MCC: variants seen among roughly 807,000 people sequenced by gnomAD.
MCC encodes the protein MCC regulator of Wnt signaling pathway.
Under a neutral mutation model 116.2 loss-of-function variants are expected in MCC, and 90 were observed. That is an observed-to-expected ratio of 0.77 (90% CI 0.65 to 0.92). MCC has a LOEUF of 0.92. Among genes scored for constraint, MCC ranks in the 40% least tolerant of loss-of-function variants. The pLI is 0.00. For synonymous variants in MCC, 578 were observed against 510.5 expected, an observed-to-expected ratio of 1.13 and a Z score of -1.78; for missense variants, 1,516 against 1,312.2, an observed-to-expected ratio of 1.16 and a Z score of -2.40.
At chr5:113,241,068 A>G (rs1483241885) in intron 3 of MCC, among the ~76,000 whole-genome samples, 1 of 152,216 alleles carries the variant, frequency 6.6e-6, no homozygotes, top group Non-Finnish European at 1.5e-5. Flanking sequence ...TCAGTGTGTC[A>G]TTATAGGTCA....
At chr5:113,335,197 T>C (rs1046444960) in intron 3 of MCC, among the ~76,000 whole-genome samples, 1 of 151,644 alleles carries the variant, frequency 6.6e-6, no homozygotes, top group African/African-American at 2.4e-5. Context: ...GAAGGAGAAA[T>C]GAAAAGTTCC....
At chr5:113,102,303 G>A (rs1234861319) in intron 7 of MCC, among the ~76,000 whole-genome samples, 4 of 152,192 alleles carry the variant, frequency 2.6e-5, no homozygotes, top group Non-Finnish European at 5.9e-5. Flanking sequence ...CAGGCAGAAG[G>A]CCATTTAGTG....
chr5:113,084,533 G>GA lies in MCC; in HGVS notation c.1546-344dup, dbSNP rs1188337891. ...CATTGCCAAATGTCCCCTGGAGGAT[G>GA]AAATCACTTCTGGTTAGAAAACACT... On this transcript the variant is annotated intron_variant, in intron 9 of 18. Transcript: ENST00000408903. 2.2e-4 allele frequency among the ~76,000 whole-genome samples: 33 copies of GA among 152,252 alleles called. 1 individual carries two copies. The highest frequency in any genetic ancestry group is 1.1e-3 in the Admixed American group (17 of 15,292).
chr5:113,089,185 C>T (rs1433410609), intron 8 of MCC, among the ~76,000 whole-genome samples: 1 of 152,120 alleles, frequency 6.6e-6, no homozygotes, highest in Non-Finnish European at 1.5e-5. Context: ...GGGAAACATG[C>T]TCTGAAAGAG....
At chr5:113,110,748 AG>A (rs1757042256) in intron 6 of MCC, among the ~76,000 whole-genome samples, 2 of 152,248 alleles carry the variant, frequency 1.3e-5, no homozygotes, top group South Asian at 4.1e-4. Flanking sequence ...AGCCACCTGC[AG>A]CCAAAGATGT....
At chr5:113,376,353 C>G (rs867517816) in intron 2 of MCC, among the ~76,000 whole-genome samples, 2 of 152,274 alleles carry the variant, frequency 1.3e-5, no homozygotes, top group Middle Eastern at 6.8e-3. Flanking sequence ...CTGTGTCAGT[C>G]TCTGTACTAT....
At chr5:113,126,204 A>G (rs1372325412) in intron 5 of MCC, among the ~76,000 whole-genome samples, 1 of 152,224 alleles carries the variant, frequency 6.6e-6, no homozygotes, top group East Asian at 1.9e-4. Flanking sequence ...AAACAACAAC[A>G]TAACAAATGT....
intron 1 of MCC, among the ~76,000 whole-genome samples, chr5:113,396,808 T>C (rs1050572768): frequency 2.6e-5 from 4 of 152,124 alleles, no homozygotes; most frequent in African/African-American, 9.7e-5. Context: ...ATATAATAGG[T>C]ACTTGGTAAA....
chr5:113,408,639 C>A (rs1303832498), intron 1 of MCC, among the ~76,000 whole-genome samples: 1 of 152,142 alleles, frequency 6.6e-6, no homozygotes, highest in Non-Finnish European at 1.5e-5. Context: ...AGGTCCAAAC[C>A]CAGACCTACT....
At chr5:113,220,512 G>T (rs543909475) in intron 3 of MCC, among the ~76,000 whole-genome samples, 17 of 152,154 alleles carry the variant, frequency 1.1e-4, no homozygotes, top group Admixed American at 3.9e-4. Flanking sequence ...ATTAATGTTT[G>T]TATTTTTTAG....
At chr5:113,132,443 TACACAC>T (rs140363649) in intron 5 of MCC, among the ~76,000 whole-genome samples, 1,937 of 36,478 alleles carry the variant, frequency 0.053, 88 homozygotes, top group Middle Eastern at 0.15. Flanking sequence ...TATATATATA[TACACAC>T]ACACACACAC....
intron 5 of MCC, among the ~76,000 whole-genome samples, chr5:113,129,372 GA>G (rs151175794): frequency 1.3e-5 from 2 of 152,300 alleles, no homozygotes; most frequent in Non-Finnish European, 2.9e-5. Context: ...TTTCATTTAA[GA>G]AATCATTGGT....
At position 113,247,823 on chromosome 5, in the gene MCC, G is replaced by C. The variant is rs563299936; in HGVS notation, c.627+92696C>G. ...AATGGTGTCACCATAACCAGAGGGA[G>C]GGATGATAGACGGCAGCAGGGGAGT... On this transcript the variant is annotated intron_variant, in intron 3 of 18. Coordinates refer to ENST00000408903, the MANE Select transcript of MCC (RefSeq NM_001085377.2). 1.9e-4 allele frequency among the ~76,000 whole-genome samples: 29 copies of C among 152,254 alleles called. 1 individual carries two copies. Among genetic ancestry groups the C allele is most frequent in the Non-Finnish European group, 3.1e-4 (21 of 68,012 alleles).
intron 1 of MCC, among the ~76,000 whole-genome samples, chr5:113,469,629 T>C (rs1427171406): frequency 6.6e-6 from 1 of 152,078 alleles, no homozygotes; most frequent in Admixed American, 6.6e-5. Flanking sequence ...GGAGTAGGTG[T>C]GGTGTGGTGC....
At chr5:113,104,112 A>T in intron 7 of MCC, 80 bp downstream of exon 7, 3 of 1,373,864 alleles carry the variant, frequency 2.2e-6, no homozygotes, top group Non-Finnish European at 2.0e-6. Flanking sequence ...GTATTTAAGA[A>T]AACTGCACTT....
intron 1 of MCC, among the ~76,000 whole-genome samples, chr5:113,443,188 A>C (rs929234241): frequency 6.6e-6 from 1 of 152,124 alleles, no homozygotes; most frequent in Non-Finnish European, 1.5e-5. Flanking sequence ...GGTGGTTTGT[A>C]GTTCTCCTTG....
intron 17 of MCC, among the ~76,000 whole-genome samples, chr5:113,042,305 CAAAA>C (rs59401267): frequency 2.2e-5 from 2 of 89,488 alleles, no homozygotes; most frequent in Non-Finnish European, 4.5e-5. Context: ...GACCCTGTCT[CAAAA>C]AAAAAAAAAA....
In MCC at chr5:113,191,265, CCTT is replaced by C. The variant is rs752960999; in HGVS notation, c.628-39846_628-39844del. On this transcript the variant is annotated intron_variant, in intron 3 of 18. Coordinates refer to ENST00000408903, the MANE Select transcript of MCC (RefSeq NM_001085377.2). Reference sequence around the variant, plus strand: ...CACCAGTACTCCACATTTTTCTGACCCTTCTTCTTCTTCTTGGGTTTGTGAGCC... The same window carrying C: ...CACCAGTACTCCACATTTTTCTGACCCTTCTTCTTCTTGGGTTTGTGAGCC... Among the ~76,000 whole-genome samples, 71 of 152,094 alleles carry C rather than the reference CCTT, an allele frequency of 4.7e-4. 1 individual carries two copies. The highest frequency in any genetic ancestry group is 1.4e-3 in the African/African-American group (57 of 41,512).
chr5:113,099,346 A>ATGTG (rs376406149), intron 8 of MCC, among the ~76,000 whole-genome samples: 2 of 152,156 alleles, frequency 1.3e-5, no homozygotes, highest in African/African-American at 4.8e-5. Flanking sequence ...GCAGGCCTGT[A>ATGTG]TGTGTGTGTG....
Sources: allele counts gnomAD v4.1 joint callset (sites outside exome capture counted in the v4.1 genomes callset), GRCh38; gene constraint gnomAD v4.1.1; transcripts MANE v1.5; gene names NCBI Gene and HGNC (gene_info 2026-07-23, HGNC 2026-07-21).